Variants in LRRC4C observed in about 807,000 individuals in gnomAD.
LRRC4C encodes the protein leucine rich repeat containing 4C.
LRRC4C carries 5 observed loss-of-function variants against 33.6 expected under a neutral mutation model. That is an observed-to-expected ratio of 0.15 (90% CI 0.08 to 0.31). LRRC4C has a LOEUF of 0.31. LRRC4C is among the 10% of genes least tolerant of loss of function. The pLI is 1.00. For missense variants in LRRC4C, 560 were observed against 796.7 expected (o/e 0.70, Z 3.58); for synonymous variants, 329 against 302.0 (o/e 1.09, Z -0.93).
rs528096050 is a variant in LRRC4C, at chr11:40,918,767, G to A, written c.-407+14868C>T. Among the ~76,000 whole-genome samples, 18 of 152,166 alleles carry A rather than the reference G, an allele frequency of 1.2e-4. No individual in the cohort carries two copies. In the South Asian group the frequency reaches 3.5e-3, roughly 30 times the overall value. ...GCAGAGGTAGCTGGGCCTATAGCAT[G>A]GGTCTCATTTTCATCCAGATTTTTT... On this transcript the variant is annotated intron_variant, in intron 2 of 6. Coordinates refer to ENST00000528697, the MANE Select transcript of LRRC4C (RefSeq NM_001258419.2).
At chr11:41,230,696 G>A (rs760084134) in intron 1 of LRRC4C, among the ~76,000 whole-genome samples, 7 of 151,950 alleles carry the variant, frequency 4.6e-5, no homozygotes, top group African/African-American at 7.3e-5. Flanking sequence ...ATAGGCATGG[G>A]CAAGGACTTC....
chr11:40,829,005 A>G (rs1952289458), intron 2 of LRRC4C, among the ~76,000 whole-genome samples: 1 of 151,986 alleles, frequency 6.6e-6, no homozygotes, highest in Non-Finnish European at 1.5e-5. Context: ...TAAATATAAT[A>G]ATGCACAAAC....
At chr11:40,380,358 T>A (rs1012121489) in intron 3 of LRRC4C, among the ~76,000 whole-genome samples, 1 of 152,200 alleles carries the variant, frequency 6.6e-6, no homozygotes, top group African/African-American at 2.4e-5. Flanking sequence ...TATGGTTAGG[T>A]CATTTCCCTG....
intron 1 of LRRC4C, among the ~76,000 whole-genome samples, chr11:41,202,669 T>C (rs1336671277): frequency 6.6e-6 from 1 of 152,152 alleles, no homozygotes. Context: ...GCTTTTGGAA[T>C]GAGCCTCTCT....
intron 2 of LRRC4C, among the ~76,000 whole-genome samples, chr11:40,680,173 G>A (rs764889612): frequency 6.6e-6 from 1 of 152,096 alleles, no homozygotes. Context: ...TTTAAGCTTC[G>A]GCCAATTTCT....
At chr11:40,598,850 A>G (rs1959664503) in intron 3 of LRRC4C, among the ~76,000 whole-genome samples, 1 of 152,130 alleles carries the variant, frequency 6.6e-6, no homozygotes, top group Non-Finnish European at 1.5e-5. Context: ...TCACCCCCAG[A>G]AAGCTAAATA....
At chr11:40,180,781 A>G (rs1390837390) in intron 5 of LRRC4C, among the ~76,000 whole-genome samples, 1 of 152,252 alleles carries the variant, frequency 6.6e-6, no homozygotes, top group African/African-American at 2.4e-5. Flanking sequence ...GTGTGTATGC[A>G]TTCGCTATAG....
At chr11:40,416,996 G>A (rs1452894918) in intron 3 of LRRC4C, among the ~76,000 whole-genome samples, 1 of 152,304 alleles carries the variant, frequency 6.6e-6, no homozygotes, top group East Asian at 1.9e-4. Context: ...GTTCAAATGA[G>A]GTTTGTGTAT....
intron 2 of LRRC4C, among the ~76,000 whole-genome samples, chr11:40,921,442 C>G (rs888470183): frequency 6.6e-6 from 1 of 152,128 alleles, no homozygotes; most frequent in South Asian, 2.1e-4. Context: ...AGTCCTACAG[C>G]TGCAAAGAGC....
chr11:41,170,556 A>G (rs1944929139), intron 1 of LRRC4C, among the ~76,000 whole-genome samples: 1 of 152,216 alleles, frequency 6.6e-6, no homozygotes, highest in Admixed American at 6.5e-5. Context: ...AGCCATATGT[A>G]GAAAGCTGAA....
At chr11:41,193,578 CCAATCAAGA>C (rs2136223238) in intron 1 of LRRC4C, among the ~76,000 whole-genome samples, 1 of 152,184 alleles carries the variant, frequency 6.6e-6, no homozygotes, top group African/African-American at 2.4e-5. Flanking sequence ...GACAACAGAT[CCAATCAAGA>C]CAATCATGAA....
chr11:40,281,774 C>T (rs543870131), intron 4 of LRRC4C, among the ~76,000 whole-genome samples: 2 of 152,152 alleles, frequency 1.3e-5, no homozygotes, highest in Non-Finnish European at 2.9e-5. Flanking sequence ...TTGTTCTAGG[C>T]AGGACCACAT....
At chr11:41,125,594 C>T (rs533899478) in intron 1 of LRRC4C, among the ~76,000 whole-genome samples, 2 of 152,188 alleles carry the variant, frequency 1.3e-5, no homozygotes, top group Admixed American at 1.3e-4. Flanking sequence ...CAATGTCGCT[C>T]ATCAAGGTAG....
At chr11:40,616,508 G>C (rs905903991) in intron 3 of LRRC4C, among the ~76,000 whole-genome samples, 116 of 151,518 alleles carry the variant, frequency 7.7e-4, no homozygotes, top group African/African-American at 2.6e-3. Flanking sequence ...TTGGAACCAA[G>C]CCAAATGTCC....
At chr11:41,241,833 G>T (rs968629707) in intron 1 of LRRC4C, among the ~76,000 whole-genome samples, 5 of 152,066 alleles carry the variant, frequency 3.3e-5, no homozygotes, top group African/African-American at 1.2e-4. Flanking sequence ...TCTCTGTTGT[G>T]CTCAGTGCAA....
At chr11:41,271,285 C>T (rs892315694) in intron 1 of LRRC4C, among the ~76,000 whole-genome samples, 2 of 152,024 alleles carry the variant, frequency 1.3e-5, no homozygotes, top group Non-Finnish European at 2.9e-5. Context: ...CAAACCACTC[C>T]AAAGGCTTTC....
At chr11:40,720,268 C>A (rs905540757) in intron 2 of LRRC4C, among the ~76,000 whole-genome samples, 1 of 152,122 alleles carries the variant, frequency 6.6e-6, no homozygotes, top group African/African-American at 2.4e-5. Flanking sequence ...TCCATTTGGT[C>A]CTTTCAAATA....
At chr11:40,986,096 A>T (rs566999845) in intron 1 of LRRC4C, among the ~76,000 whole-genome samples, 1 of 152,368 alleles carries the variant, frequency 6.6e-6, no homozygotes, top group African/African-American at 2.4e-5. Flanking sequence ...TTTCCACATT[A>T]TATTTGCAAC....
chr11:41,070,681 T>C (rs1352995531), intron 1 of LRRC4C, among the ~76,000 whole-genome samples: 1 of 152,074 alleles, frequency 6.6e-6, no homozygotes, highest in Non-Finnish European at 1.5e-5. Context: ...ACATCACTGA[T>C]CATTAGAGAA....
Sources: gnomAD v4.1 joint callset for allele counts (sites outside exome capture counted in the v4.1 genomes callset) on GRCh38, gnomAD v4.1.1 for gene constraint, MANE v1.5 for transcripts, NCBI Gene and HGNC (gene_info 2026-07-23, HGNC 2026-07-21) for gene names.